LMO7: variants seen among roughly 807,000 people sequenced by gnomAD.
LMO7 encodes the protein LIM domain only protein 7.
Under a neutral mutation model 206.5 loss-of-function variants are expected in LMO7, and 120 were observed. The ratio of observed to expected loss-of-function variants is 0.58; its 90% CI spans 0.50 to 0.68. LMO7 has a LOEUF of 0.68. LMO7 is among the 30% of genes least tolerant of loss of function. The pLI is 0.00. For missense variants in LMO7, 1,959 were observed against 1,957.9 expected (o/e 1.00, Z -0.01); for synonymous variants, 706 against 681.5 (o/e 1.04, Z -0.56).
intron 1 of LMO7, among the ~76,000 whole-genome samples, chr13:75,653,129 G>C (rs184269441): frequency 1.3e-4 from 20 of 152,196 alleles, no homozygotes; most frequent in Admixed American, 7.8e-4. Flanking sequence ...TAGATATTCA[G>C]TAAAATTATT....
chr13:75,690,765 TGG>T, intron 1 of LMO7, among the ~76,000 whole-genome samples: 1 of 152,222 alleles, frequency 6.6e-6, no homozygotes, highest in Admixed American at 6.5e-5. Flanking sequence ...GTTTAAGGTG[TGG>T]TTTTCAATAA....
chr13:75,832,786 C>T (rs530265089), intron 15 of LMO7, among the ~76,000 whole-genome samples: 15 of 152,178 alleles, frequency 9.9e-5, no homozygotes, highest in South Asian at 6.2e-4. Context: ...AGCTTATCCA[C>T]GGCCAACTGA....
intron 23 of LMO7, 141 bp downstream of exon 23, chr13:75,841,342 CT>C: frequency 1.6e-6 from 1 of 641,638 alleles, no homozygotes; most frequent in Non-Finnish European, 2.7e-6. Flanking sequence ...ACAATGAGCT[CT>C]GATTTGTTAG....
rs1435870239 is a variant in LMO7 at position 75,841,153 on chromosome 13, A to G, written c.3627A>G (p.Gln1209=). 1.9e-6 allele frequency: 3 copies of G among 1,613,614 alleles called. No individual in the cohort carries two copies. The highest frequency in any genetic ancestry group is 2.5e-6 in the Non-Finnish European group (3 of 1,179,580). ...AGGAGAAACTGAGGGAAGAGTGGCAAAGGGCCAAACAGGAGGCAGAGAGAG... is the reference window on the plus strand; with the variant it reads ...AGGAGAAACTGAGGGAAGAGTGGCAGAGGGCCAAACAGGAGGCAGAGAGAG... The part of the protein sequence containing the change: ...REQEKLREEW[Q]RAKQEAEREN... The change falls in exon 23 of 31, where the codon CAA becomes CAG. Residue 1209 remains glutamine (Q), a synonymous_variant. Coordinates refer to ENST00000377534, the MANE Select transcript of LMO7 (RefSeq NM_001306080.2).
intron 2 of LMO7, among the ~76,000 whole-genome samples, chr13:75,718,608 A>G (rs59605282): frequency 0.012 from 1,880 of 152,260 alleles, 34 homozygotes; most frequent in African/African-American, 0.035. Context: ...AGAGGGGTAC[A>G]TTGGTTACAA....
intron 1 of LMO7, among the ~76,000 whole-genome samples, chr13:75,659,283 A>G (rs2038348536): frequency 6.6e-6 from 1 of 152,186 alleles, no homozygotes; most frequent in South Asian, 2.1e-4. Context: ...AATTTTTGGC[A>G]TTTACTAAAA....
intron 2 of LMO7, chr13:75,623,371 T>G (rs181949117): frequency 3.4e-5 from 35 of 1,042,078 alleles, no homozygotes; most frequent in Admixed American, 2.5e-4. Context: ...CCAAAGCATT[T>G]TTTTCTTTTT....
chr13:75,782,137 T>C (rs2051580641), intron 4 of LMO7, among the ~76,000 whole-genome samples: 1 of 152,308 alleles, frequency 6.6e-6, no homozygotes, highest in East Asian at 1.9e-4. Flanking sequence ...TTTAATTAGA[T>C]CCCATTTGTC....
Position 75,760,057 on chromosome 13 carries a change from TTC to T in LMO7, c.211-873_211-872del, listed in dbSNP as rs202022938. ...CCCCATAAAGTGTTTTCTTTTCTTC[TTC>T]TTTTTTTTTTTTAGAGTAGTAGAGA... On this transcript the variant is annotated intron_variant, in intron 3 of 30. Transcript: ENST00000377534. Among the ~76,000 whole-genome samples the T allele has an allele frequency of 1.2e-4, 18 of 151,512 alleles. No homozygotes were observed. The South Asian group carries it at 2.3e-3, about 19-fold the overall frequency.
At chr13:75,792,022 C>T (rs796702276) in intron 4 of LMO7, among the ~76,000 whole-genome samples, 22 of 152,154 alleles carry the variant, frequency 1.4e-4, no homozygotes, top group African/African-American at 4.6e-4. Context: ...GCCTGGAGTG[C>T]AGTGGTGTGG....
chr13:75,857,789 A>T, intron 30 of LMO7, 132 bp from the exon 31 acceptor site: 1 of 527,776 alleles, frequency 1.9e-6, no homozygotes, highest in Middle Eastern at 2.8e-4. Context: ...CTTTATCCTA[A>T]GAGTGAGTGA....
intron 1 of LMO7, among the ~76,000 whole-genome samples, chr13:75,702,813 A>C (rs933021754): frequency 6.6e-6 from 1 of 152,234 alleles, no homozygotes; most frequent in East Asian, 1.9e-4. Flanking sequence ...TTTTTGAATG[A>C]ATGAATAAAT....
chr13:75,716,423 G>A (rs1388955592), intron 2 of LMO7, among the ~76,000 whole-genome samples: 4 of 152,006 alleles, frequency 2.6e-5, no homozygotes, highest in Non-Finnish European at 4.4e-5. Flanking sequence ...AGTCATTTTA[G>A]TGTTGTTTAG....
rs200211735 is a variant in LMO7 at position 75,807,583 on chromosome 13, C to T, written c.1300C>T (p.Arg434Cys). 268 of 1,613,800 alleles carry T rather than the reference C, an allele frequency of 1.7e-4. No individual in the cohort carries two copies. The highest frequency in any genetic ancestry group is 4.9e-4 in the Middle Eastern group (3 of 6,084). ...CACTTCTGGCCCAAGGCTCATAACC[C>T]GCAGGAAGAATCTCTCTTATGCACC... ...DPTSGPRLIT[R>C]RKNLSYAPGY... The change falls in exon 10 of 31, where the codon CGC becomes TGC. Residue 434 changes from arginine (R) to cysteine (C), a missense_variant. Physicochemically the swap from Arg to Cys is radical, Grantham distance 180. Transcript: ENST00000377534.
chr13:75,820,189 A>G (rs1046941975), intron 13 of LMO7, among the ~76,000 whole-genome samples: 9 of 152,236 alleles, frequency 5.9e-5, no homozygotes, highest in African/African-American at 1.9e-4. Context: ...CTGCCCTAAA[A>G]GCCAAAGATA....
At chr13:75,767,209 C>G (rs1302377679) in intron 4 of LMO7, among the ~76,000 whole-genome samples, 1 of 152,070 alleles carries the variant, frequency 6.6e-6, no homozygotes, top group Non-Finnish European at 1.5e-5. Flanking sequence ...GAATGCTTAA[C>G]TGACATTTAA....
chr13:75,643,012 G>T (rs1300001016), intron 1 of LMO7, among the ~76,000 whole-genome samples: 2 of 152,174 alleles, frequency 1.3e-5, no homozygotes, highest in African/African-American at 4.8e-5. Context: ...TGAAACCTTG[G>T]TGTTTCTTAA....
At chr13:75,806,009 A>G (rs965948500) in intron 9 of LMO7, 4 of 1,212,634 alleles carry the variant, frequency 3.3e-6, no homozygotes, top group South Asian at 2.5e-5. Flanking sequence ...TTTTTCTCCA[A>G]TTCTTTGTCT....
chr13:75,626,103 C>T (rs2034030304), intron 2 of LMO7, among the ~76,000 whole-genome samples: 1 of 152,204 alleles, frequency 6.6e-6, no homozygotes, highest in Non-Finnish European at 1.5e-5. Context: ...AGGAATACAA[C>T]TTGGTCTCTT....
Sources: gnomAD v4.1 joint callset for allele counts (sites outside exome capture counted in the v4.1 genomes callset) on GRCh38, gnomAD v4.1.1 for gene constraint, MANE v1.5 for transcripts, NCBI Gene and HGNC (gene_info 2026-07-23, HGNC 2026-07-21) for gene names.